The following CDH12 variants were observed in gnomAD, a reference collection of about 807,000 sequenced individuals.
CDH12 encodes the protein cadherin-12.
In CDH12, 41 loss-of-function variants were observed where a neutral mutation model predicts 74.1. That is an observed-to-expected ratio of 0.55 (90% CI 0.43 to 0.72). The LOEUF is 0.72. Ranked by LOEUF, CDH12 falls within the 30% of genes least tolerant of loss-of-function variation. CDH12 has a pLI of 0.00. For synonymous variants in CDH12, 399 were observed against 355.0 expected (o/e 1.12, Z -1.39); for missense variants, 945 against 977.2 (o/e 0.97, Z 0.44).
At chr5:22,725,283 T>C (rs1249602151) in intron 1 of CDH12, among the ~76,000 whole-genome samples, 1 of 151,928 alleles carries the variant, frequency 6.6e-6, no homozygotes, top group Non-Finnish European at 1.5e-5. Context: ...AAGTATAATC[T>C]AAATTTATGA....
chr5:22,689,417 A>G (rs983871525), intron 1 of CDH12, among the ~76,000 whole-genome samples: 1 of 152,190 alleles, frequency 6.6e-6, no homozygotes, highest in African/African-American at 2.4e-5. Flanking sequence ...TATGTAGAAT[A>G]GGTACACAAT....
In CDH12 at chr5:22,785,840, T is replaced by C. The variant is rs540520252; in HGVS notation, c.-523+67218A>G. Among the ~76,000 whole-genome samples the C allele has an allele frequency of 6.1e-4, 93 of 152,216 alleles. 1 individual carries two copies. Among genetic ancestry groups the C allele is most frequent in the African/African-American group, 2.2e-3 (91 of 41,528 alleles). ...GCCTTATTTCCTGTTAATAGCTATT[T>C]CTTGAGGAACCCTTACACACTGTTT... On this transcript the variant is annotated intron_variant, in intron 1 of 14. Coordinates refer to ENST00000382254, the MANE Select transcript of CDH12 (RefSeq NM_004061.5).
At chr5:22,029,060 T>C (rs1357832946) in intron 5 of CDH12, among the ~76,000 whole-genome samples, 1 of 152,214 alleles carries the variant, frequency 6.6e-6, no homozygotes, top group East Asian at 1.9e-4. Context: ...GCTAGCCATA[T>C]GTAGAAAGCT....
intron 2 of CDH12, among the ~76,000 whole-genome samples, chr5:22,450,422 C>T (rs1369588642): frequency 6.6e-6 from 1 of 151,824 alleles, no homozygotes; most frequent in Non-Finnish European, 1.5e-5. Context: ...GAAAAAGGAC[C>T]TCCCCCTTTA....
chr5:22,309,945 GT>G (rs1738307185), intron 3 of CDH12, among the ~76,000 whole-genome samples: 1 of 119,482 alleles, frequency 8.4e-6, no homozygotes, highest in Non-Finnish European at 1.6e-5. Flanking sequence ...CAATTATCAA[GT>G]TTAAAAAAAA....
intron 6 of CDH12, among the ~76,000 whole-genome samples, chr5:21,902,126 C>T (rs1441048317): frequency 6.6e-6 from 1 of 151,892 alleles, no homozygotes; most frequent in East Asian, 1.9e-4. Context: ...TATTCTGCTG[C>T]CTTCTGTAGG....
intron 5 of CDH12, among the ~76,000 whole-genome samples, chr5:21,978,224 C>T (rs1409176826): frequency 6.6e-6 from 1 of 152,128 alleles, no homozygotes; most frequent in East Asian, 1.9e-4. Flanking sequence ...TCACTGCAAC[C>T]TCCACCTCTC....
intron 4 of CDH12, 64 bp from the exon 5 acceptor site, chr5:22,078,926 C>A: frequency 1.2e-6 from 1 of 812,396 alleles, no homozygotes. Context: ...TTCATCACAA[C>A]GCTCATTATA....
intron 4 of CDH12, among the ~76,000 whole-genome samples, chr5:22,192,863 T>A (rs1219649525): frequency 1.3e-5 from 2 of 152,164 alleles, no homozygotes; most frequent in Non-Finnish European, 2.9e-5. Flanking sequence ...GAGGCCAGAA[T>A]ATTGAAGAGG....
intron 2 of CDH12, among the ~76,000 whole-genome samples, chr5:22,485,067 C>T (rs962992300): frequency 5.9e-5 from 9 of 152,068 alleles, no homozygotes; most frequent in Non-Finnish European, 1.2e-4. Flanking sequence ...TGTACTTCTA[C>T]ATTGATATTT....
intron 5 of CDH12, among the ~76,000 whole-genome samples, chr5:22,035,688 T>G (rs2150177923): frequency 6.8e-6 from 1 of 147,432 alleles, no homozygotes; most frequent in South Asian, 2.2e-4. Flanking sequence ...AGAGGTTTAC[T>G]TCTTCTTTTT....
intron 1 of CDH12, among the ~76,000 whole-genome samples, chr5:22,607,373 A>T (rs1737170586): frequency 6.6e-6 from 1 of 152,182 alleles, no homozygotes; most frequent in Non-Finnish European, 1.5e-5. Flanking sequence ...GAAGAAAAAG[A>T]GTTTTAATTG....
In CDH12 at chr5:21,751,337, G is replaced by T; in HGVS notation, c.*400C>A. On this transcript the variant is annotated 3_prime_UTR_variant, in exon 15 of 15. Transcript: ENST00000382254. The stretch of plus-strand genomic sequence containing the variant: ...CTGTACACCACTTTAAATGATAAGA[G>T]TTTCAATAGGCACTTTAGTGGAATT... The T allele has an allele frequency of 5.0e-6, 1 of 198,146 alleles. No individual in the cohort carries two copies. The highest frequency in any genetic ancestry group is 1.1e-5 in the Non-Finnish European group (1 of 94,656). 12.3% of individuals were successfully genotyped at this position (198,146 alleles called of 1,614,324 possible).
intron 3 of CDH12, among the ~76,000 whole-genome samples, chr5:22,292,861 C>T (rs147926415): frequency 1.9e-3 from 282 of 152,204 alleles, no homozygotes; most frequent in Non-Finnish European, 3.2e-3. Flanking sequence ...TTGGAAACAG[C>T]GAGTTCCTTT....
At chr5:22,313,122 C>A (rs547188042) in intron 3 of CDH12, among the ~76,000 whole-genome samples, 28 of 152,256 alleles carry the variant, frequency 1.8e-4, no homozygotes. Flanking sequence ...AGACATTACT[C>A]CCCTTGGTGG....
intron 3 of CDH12, among the ~76,000 whole-genome samples, chr5:22,229,446 C>CAAA (rs71609756): frequency 8.9e-5 from 9 of 100,894 alleles, no homozygotes; most frequent in East Asian, 2.6e-4. Context: ...GACTCCGTCT[C>CAAA]AAAAAAAAAA....
chr5:22,541,293 T>G (rs1413930677), intron 1 of CDH12, among the ~76,000 whole-genome samples: 2 of 152,198 alleles, frequency 1.3e-5, no homozygotes, highest in Non-Finnish European at 2.9e-5. Flanking sequence ...CGCCAGAAAC[T>G]CTTCATTTCA....
At chr5:22,216,638 T>G (rs529973382) in intron 3 of CDH12, among the ~76,000 whole-genome samples, 294 of 152,078 alleles carry the variant, frequency 1.9e-3, no homozygotes, top group African/African-American at 6.8e-3. Flanking sequence ...CAGATTCTCA[T>G]GTATTATACA....
intron 3 of CDH12, among the ~76,000 whole-genome samples, chr5:22,318,795 C>A (rs72744809): frequency 0.22 from 32,889 of 152,034 alleles, 4,499 homozygotes; most frequent in Admixed American, 0.36. Context: ...ACATATTTGT[C>A]AAATGTTGAG....
Sources: gnomAD v4.1 joint callset for allele counts (sites outside exome capture counted in the v4.1 genomes callset) on GRCh38, gnomAD v4.1.1 for gene constraint, MANE v1.5 for transcripts, NCBI Gene and HGNC (gene_info 2026-07-23, HGNC 2026-07-21) for gene names.